The following IFT74 variants were observed in gnomAD, a reference collection of about 807,000 sequenced individuals.
IFT74 encodes the protein intraflagellar transport protein 74 homolog.
IFT74 carries 92 observed loss-of-function variants against 96.7 expected under a neutral mutation model. The observed-to-expected ratio is 0.95, with a 90% CI of 0.80 to 1.13. The LOEUF (loss-of-function observed/expected upper bound fraction) is 1.13, where lower values mean the gene tolerates loss of function less well. IFT74 is among the 50% of genes most tolerant of loss of function. The pLI is 0.00. For missense variants in IFT74, 811 were observed against 698.2 expected, an observed-to-expected ratio of 1.16 and a Z score of -1.82; for synonymous variants, 223 against 213.2, an observed-to-expected ratio of 1.05 and a Z score of -0.40.
chr9:27,022,423 A>G (rs542069097), intron 12 of IFT74, among the ~76,000 whole-genome samples: 1 of 151,962 alleles, frequency 6.6e-6, no homozygotes, highest in Non-Finnish European at 1.5e-5. Flanking sequence ...TTTTGGCAGT[A>G]TGGTCATTTT....
In IFT74 at chr9:27,055,670, A is replaced by C; in HGVS notation, c.1395A>C (p.Glu465Asp). The change falls in exon 17 of 20, where the codon GAA (glutamate) becomes GAC (aspartate). Residue 465 changes from glutamate (E) to aspartate (D), a missense_variant. Glu to Asp is a conservative substitution (Grantham distance 45, BLOSUM62 2). Coordinates refer to ENST00000380062, the MANE Select transcript of IFT74 (RefSeq NM_025103.4). ...AGCTTCTAGAAAGTAAGATGACTGA[A>C]GAACAGCATTCTCTAAAAAGCAAAA... ...KMELLESKMT[E>D]EQHSLKSKIK... 2 of 1,593,204 alleles carry C rather than the reference A, an allele frequency of 1.3e-6. No individual in the cohort carries two copies. The highest frequency in any genetic ancestry group is 1.7e-6 in the Non-Finnish European group (2 of 1,171,970).
At chr9:27,005,415 C>G (rs1171246525) in intron 8 of IFT74, among the ~76,000 whole-genome samples, 2 of 120,598 alleles carry the variant, frequency 1.7e-5, no homozygotes, top group African/African-American at 6.3e-5. Flanking sequence ...TAGGAAAGAC[C>G]CTTTGGCCAT....
intron 13 of IFT74, among the ~76,000 whole-genome samples, chr9:27,042,479 A>G (rs1819523819): frequency 1.3e-5 from 2 of 152,330 alleles, no homozygotes; most frequent in Middle Eastern, 6.8e-3. Flanking sequence ...ACAGAGTAAG[A>G]TAACTGACTG....
chr9:26,990,085 T>G, intron 7 of IFT74, 49 bp from the exon 8 acceptor site: 1 of 1,135,626 alleles, frequency 8.8e-7, no homozygotes, highest in Non-Finnish European at 1.2e-6. Context: ...AAAGAAAAAA[T>G]TTGGTTTAAT....
chr9:27,055,637 GA>G lies in IFT74; in HGVS notation c.1366del (p.Met456TrpfsTer4). The G allele has an allele frequency of 6.3e-7, 1 of 1,582,616 alleles. No individual in the cohort carries two copies. Among genetic ancestry groups the G allele is most frequent in the Non-Finnish European group, 8.6e-7 (1 of 1,169,478 alleles). ...TTCAACGTCTGCAGTTGGATCTGCA[GA>G]AAATGGAGCTTCTAGAAAGTAAGAT... ...DIQRLQLDLQKMELLESKMTE... is the reference protein window; with the variant it reads ...DIQRLQLDLQXMELLESKMTE... On this transcript the variant is annotated frameshift_variant, in exon 17 of 20. Coordinates refer to ENST00000380062, the MANE Select transcript of IFT74 (RefSeq NM_025103.4). LOFTEE classifies it high-confidence loss of function.
At chr9:26,981,021 A>G (rs113644348) in intron 4 of IFT74, among the ~76,000 whole-genome samples, 2 of 152,278 alleles carry the variant, frequency 1.3e-5, no homozygotes, top group African/African-American at 2.4e-5. Flanking sequence ...TTTCTCACAG[A>G]TAGTGCCGTC....
chr9:26,953,700 G>C (rs999080329), upstream of IFT74, among the ~76,000 whole-genome samples: 1 of 150,152 alleles, frequency 6.7e-6, no homozygotes, highest in Non-Finnish European at 1.5e-5. Context: ...TTGTAGGGGG[G>C]GGGTCTCACT....
intron 13 of IFT74, among the ~76,000 whole-genome samples, chr9:27,042,092 A>G (rs1323167121): frequency 6.6e-6 from 1 of 152,214 alleles, no homozygotes; most frequent in Non-Finnish European, 1.5e-5. Flanking sequence ...CAAATGTAAT[A>G]GGGAATAAAG....
chr9:27,047,318 C>G lies in IFT74; in HGVS notation c.1153C>G (p.Arg385Gly), dbSNP rs200176242. 28 of 1,613,240 alleles carry G rather than the reference C, an allele frequency of 1.7e-5. No homozygotes were observed. Among genetic ancestry groups the G allele is most frequent in the South Asian group, 2.2e-5 (2 of 91,008 alleles). ...GGAAACAAAGAATCAGGAACTGAAA[C>G]GAAAGGCACAGATAGAAGCCAACAT... ...FEETKNQELK[R>G]KAQIEANIVA... is the part of the protein sequence containing the mutation. Residue 385 changes from arginine to glycine, a missense_variant, in exon 15 of 20, where the codon CGA (arginine) becomes GGA (glycine). Transcript: ENST00000380062.
At position 27,057,892 on chromosome 9, in the gene IFT74, G is replaced by A. The variant is rs910042667; in HGVS notation, c.1623+1433G>A. Among the ~76,000 whole-genome samples, 3 of 151,872 alleles carry A rather than the reference G, an allele frequency of 2.0e-5. No homozygotes were observed. The South Asian group carries it at 6.2e-4, about 31-fold the overall frequency. On this transcript the variant is annotated intron_variant, in intron 18 of 19. Coordinates refer to ENST00000380062, the MANE Select transcript of IFT74 (RefSeq NM_025103.4). Reference sequence around the variant, plus strand: ...ACAAAACTCTCTTTTTCTTCATATGGTTATGTGATCATGATAGAGCAAAAT... The same window carrying A: ...ACAAAACTCTCTTTTTCTTCATATGATTATGTGATCATGATAGAGCAAAAT...
At chr9:26,966,717 T>C (rs1406432485) in intron 2 of IFT74, among the ~76,000 whole-genome samples, 1 of 152,112 alleles carries the variant, frequency 6.6e-6, no homozygotes, top group African/African-American at 2.4e-5. Context: ...TTCCTTTGCT[T>C]GTGGGATATT....
rs772920018 is a variant in IFT74 at position 27,012,708 on chromosome 9, G to GTTTT, written c.789+764_789+767dup. 5.9e-4 allele frequency among the ~76,000 whole-genome samples: 32 copies of GTTTT among 53,876 alleles called. 6 individuals are homozygous for GTTTT. In the East Asian group the frequency reaches 7.5e-3, roughly 13 times the overall value. The allele number at this position is 53,876 out of a possible 152,430, so 35.3% of individuals were successfully genotyped here. A position where few individuals can be genotyped will look rare whatever the true frequency, so the allele number is the denominator to read the frequency against. Reference sequence around the variant, plus strand: ...GAACAAGAGGAAAGTAAAAATGTCTGTTTTTTTTTTTTTTTTTTTTTTTTT... The same window carrying GTTTT: ...GAACAAGAGGAAAGTAAAAATGTCTGTTTTTTTTTTTTTTTTTTTTTTTTTTTTT... On this transcript the variant is annotated intron_variant, in intron 10 of 19. Transcript: ENST00000380062.
intron 14 of IFT74, 81 bp downstream of exon 14, chr9:27,044,876 G>A: frequency 1.3e-6 from 1 of 779,020 alleles, no homozygotes; most frequent in Non-Finnish European, 2.0e-6. Context: ...ACCTCATTTT[G>A]GGCAGATATA....
chr9:27,065,565 G>C lies in IFT74; in HGVS notation c.*2829G>C, dbSNP rs1172386318. On this transcript the variant is annotated 3_prime_UTR_variant, in exon 20 of 20. Transcript: ENST00000380062. ...ATGAGTTCTTGATATTCTTTTTCCT[G>C]TGGAGCCCCTCGTTTGGACAATACT... is the stretch of plus-strand genomic sequence containing the variant. 2.0e-5 allele frequency among the ~76,000 whole-genome samples: 3 copies of C among 152,146 alleles called. No individual in the cohort carries two copies. Among genetic ancestry groups the C allele is most frequent in the Non-Finnish European group, 2.9e-5 (2 of 67,996 alleles).
chr9:26,958,892 A>C (rs1826233058), intron 1 of IFT74, among the ~76,000 whole-genome samples: 1 of 152,198 alleles, frequency 6.6e-6, no homozygotes, highest in Non-Finnish European at 1.5e-5. Context: ...ATATAAGGAC[A>C]GATCAAGGAG....
chr9:27,031,790 TAAAATGTAAAATA>T (rs1830141594), intron 13 of IFT74, among the ~76,000 whole-genome samples: 9 of 146,388 alleles, frequency 6.1e-5, no homozygotes, highest in Admixed American at 1.4e-4. Context: ...ATAAATAAAA[TAAAATGTAAAATA>T]AAATAAAATA....
chr9:27,034,639 C>G (rs151315642), intron 13 of IFT74, among the ~76,000 whole-genome samples: 1 of 152,328 alleles, frequency 6.6e-6, no homozygotes, highest in African/African-American at 2.4e-5. Context: ...AACAATTCTC[C>G]TACCTCAGCC....
chr9:27,053,548 TAC>T (rs1820024391), intron 16 of IFT74, among the ~76,000 whole-genome samples: 2 of 152,196 alleles, frequency 1.3e-5, no homozygotes, highest in South Asian at 4.1e-4. Context: ...TGCTCCTATG[TAC>T]ACACTGCTTG....
chr9:26,972,437 C>T (rs1019101340), intron 2 of IFT74, among the ~76,000 whole-genome samples: 12 of 152,254 alleles, frequency 7.9e-5, no homozygotes, highest in South Asian at 2.1e-4. Flanking sequence ...CACGGGCTGC[C>T]GGTTGCCTCC....
Sources: gnomAD v4.1 joint callset for allele counts (sites outside exome capture counted in the v4.1 genomes callset) on GRCh38, gnomAD v4.1.1 for gene constraint, MANE v1.5 for transcripts, NCBI Gene and HGNC (gene_info 2026-07-23, HGNC 2026-07-21) for gene names.